The following SLC22A23 variants were observed in gnomAD, a reference collection of about 807,000 sequenced individuals.
SLC22A23 encodes solute carrier family 22 member 23.
In SLC22A23, 26 loss-of-function variants were observed where a neutral mutation model predicts 61.0. That is an observed-to-expected ratio of 0.43 (90% CI 0.31 to 0.59). The LOEUF is 0.59. Among genes scored for constraint, SLC22A23 ranks in the 20% least tolerant of loss-of-function variants. The probability of loss-of-function intolerance (pLI) is 0.11; values close to 1 mark genes in which losing one functional copy is unlikely to be tolerated. For synonymous variants in SLC22A23, 430 were observed against 413.9 expected (o/e 1.04, Z -0.47); for missense variants, 796 against 934.7 (o/e 0.85, Z 1.94).
chr6:3,393,305 T>C (rs1265153513), intron 3 of SLC22A23, among the ~76,000 whole-genome samples: 1 of 152,194 alleles, frequency 6.6e-6, no homozygotes, highest in Non-Finnish European at 1.5e-5. Context: ...GATGCTACTG[T>C]CTCTAATTCT....
chr6:3,363,047 T>G (rs1347272651), intron 3 of SLC22A23, among the ~76,000 whole-genome samples: 1 of 152,154 alleles, frequency 6.6e-6, no homozygotes, highest in Admixed American at 6.5e-5. Flanking sequence ...CGGTGGGACA[T>G]CCCGCAGCCC....
intron 1 of SLC22A23, among the ~76,000 whole-genome samples, chr6:3,419,833 G>C (rs1181045393): frequency 3.9e-5 from 6 of 152,138 alleles, no homozygotes; most frequent in African/African-American, 1.4e-4. Context: ...ATTGAACCTT[G>C]TTCTCTGGTC....
Position 3,342,450 on chromosome 6 carries a change from A to AAC in SLC22A23, c.914-18450_914-18449dup, listed in dbSNP as rs1764203925. ...AGGGTTCACGGCTCACCTCCTTTGA[A>AAC]ACACACACACCTCTTTCTCTCTCCC... On this transcript the variant is annotated intron_variant, in intron 3 of 9. Coordinates refer to ENST00000406686, the MANE Select transcript of SLC22A23 (RefSeq NM_015482.2). The surrounding 1 kb of genome is among the most constrained non-coding windows in gnomAD (Gnocchi z 4.0). Among the ~76,000 whole-genome samples the AAC allele has an allele frequency of 6.6e-6, 1 of 152,160 alleles. No individual in the cohort carries two copies. The highest frequency in any genetic ancestry group is 1.5e-5 in the Non-Finnish European group (1 of 68,038).
At chr6:3,455,654 G>C (rs990117111) in intron 1 of SLC22A23, among the ~76,000 whole-genome samples, 2 of 152,234 alleles carry the variant, frequency 1.3e-5, no homozygotes, top group Non-Finnish European at 2.9e-5. Context: ...CCCGAGGGTG[G>C]GGGAAGGGCG....
At position 3,287,076 on chromosome 6, in the gene SLC22A23, C is replaced by G; in HGVS notation, c.1329G>C (p.Gly443=). Residue 443 remains glycine, a synonymous_variant, in exon 7 of 10, where the codon GGG becomes GGC. Coordinates refer to ENST00000406686, the MANE Select transcript of SLC22A23 (RefSeq NM_015482.2). ...VLCVNSLTGY[G]IHHCFARSMM... ...TGCTCCTGGCAAAGCAGTGGTGGAT[C>G]CCGTACCCCGTCAGCCTGTGGAGAC... is the stretch of plus-strand genomic sequence containing the variant. 1 of 1,614,138 alleles carries G rather than the reference C, an allele frequency of 6.2e-7. No homozygotes were observed. Among genetic ancestry groups the G allele is most frequent in the South Asian group, 1.1e-5 (1 of 91,062 alleles).
intron 1 of SLC22A23, chr6:3,444,980 A>C (rs1771815726): frequency 2.0e-6 from 2 of 985,510 alleles, no homozygotes; most frequent in African/African-American, 1.7e-5. Flanking sequence ...GGGAGGAAGG[A>C]AGGCACCTGA....
At chr6:3,405,351 C>T (rs1345012405) in intron 3 of SLC22A23, among the ~76,000 whole-genome samples, 2 of 152,114 alleles carry the variant, frequency 1.3e-5, no homozygotes, top group African/African-American at 2.4e-5. Context: ...TGGAGTTGGT[C>T]CCACCAGGAG....
intron 3 of SLC22A23, among the ~76,000 whole-genome samples, chr6:3,409,949 C>T (rs183578143): frequency 2.6e-5 from 4 of 152,206 alleles, no homozygotes; most frequent in East Asian, 1.9e-4. Context: ...CAAGCAGTTA[C>T]GCAACCTCCC....
At chr6:3,275,736 C>A (rs774845939) in intron 9 of SLC22A23, among the ~76,000 whole-genome samples, 1 of 152,180 alleles carries the variant, frequency 6.6e-6, no homozygotes, top group Admixed American at 6.5e-5. Context: ...GCGCGTGCCA[C>A]CATGCCCAGC....
At chr6:3,381,334 C>T (rs1239028810) in intron 3 of SLC22A23, among the ~76,000 whole-genome samples, 1 of 136,072 alleles carries the variant, frequency 7.3e-6, no homozygotes, top group African/African-American at 2.6e-5. Flanking sequence ...GGGGCTCAGC[C>T]ATCTTCAACT....
chr6:3,349,719 G>A (rs1764650757), intron 3 of SLC22A23, among the ~76,000 whole-genome samples: 1 of 152,166 alleles, frequency 6.6e-6, no homozygotes, highest in South Asian at 2.1e-4. Context: ...CTCAGGAGGT[G>A]GAAGAGCAGA....
chr6:3,397,926 C>T (rs540249626), intron 3 of SLC22A23, among the ~76,000 whole-genome samples: 3 of 152,336 alleles, frequency 2.0e-5, no homozygotes, highest in South Asian at 2.1e-4. Flanking sequence ...GTCAGCCCAA[C>T]GGGGAGCAAA....
chr6:3,414,716 T>G lies in SLC22A23; in HGVS notation c.758+1036A>C, dbSNP rs1359972770. Among the ~76,000 whole-genome samples, 12 of 101,866 alleles carry G rather than the reference T, an allele frequency of 1.2e-4. No homozygotes were observed. The highest frequency in any genetic ancestry group is 2.4e-4 in the Non-Finnish European group (12 of 49,616). The allele number at this position is 101,866 out of a possible 152,430, so 66.8% of individuals were successfully genotyped here. A position where few individuals can be genotyped will look rare whatever the true frequency, so the allele number is the denominator to read the frequency against. ...TTTCCTCAAGGCCAAGATGTCTCGATTCACCAAAAAAAAAAAAAAAAAAAA... is the reference window on the plus strand; with the variant it reads ...TTTCCTCAAGGCCAAGATGTCTCGAGTCACCAAAAAAAAAAAAAAAAAAAA... On this transcript the variant is annotated intron_variant, in intron 2 of 9. Transcript: ENST00000406686. The surrounding 1 kb of genome is among the most constrained non-coding windows in gnomAD (Gnocchi z 5.1).
intron 3 of SLC22A23, among the ~76,000 whole-genome samples, chr6:3,364,128 G>A (rs1051912876): frequency 6.6e-6 from 1 of 152,212 alleles, no homozygotes; most frequent in African/African-American, 2.4e-5. Flanking sequence ...TGAGTCAAAG[G>A]TAATAGAAAG....
At chr6:3,334,459 C>T (rs552700901) in intron 3 of SLC22A23, among the ~76,000 whole-genome samples, 47 of 151,864 alleles carry the variant, frequency 3.1e-4, no homozygotes, top group Admixed American at 2.9e-3. Context: ...CTGCGCCCAG[C>T]GTAGATGTTG....
chr6:3,307,904 C>A (rs1037855354), intron 4 of SLC22A23, among the ~76,000 whole-genome samples: 2 of 152,202 alleles, frequency 1.3e-5, no homozygotes, highest in Admixed American at 6.5e-5. Flanking sequence ...TGGCCTTCAA[C>A]AGAAGGGATC....
At chr6:3,355,566 G>T (rs1765020898) in intron 3 of SLC22A23, among the ~76,000 whole-genome samples, 1 of 152,114 alleles carries the variant, frequency 6.6e-6, no homozygotes, top group African/African-American at 2.4e-5. Context: ...GAAGGCCAAG[G>T]TCATAACAAG....
chr6:3,282,456 C>T (rs570003473), intron 9 of SLC22A23: 44 of 603,640 alleles, frequency 7.3e-5, no homozygotes, highest in Non-Finnish European at 1.0e-4. Flanking sequence ...AAAGTGTGGA[C>T]GTGAAGATGC....
At position 3,434,269 on chromosome 6, in the gene SLC22A23, C is replaced by T. The variant is rs377086837; in HGVS notation, c.655-18414G>A. Among the ~76,000 whole-genome samples, 9 of 152,040 alleles carry T rather than the reference C, an allele frequency of 5.9e-5. No homozygotes were observed. In the East Asian group the frequency reaches 1.5e-3, roughly 26 times the overall value. On this transcript the variant is annotated intron_variant, in intron 1 of 9. Coordinates refer to ENST00000406686, the MANE Select transcript of SLC22A23 (RefSeq NM_015482.2). ...CGGAGATTGCAGTGAGCTGAGATCA[C>T]GCCACTGTACTCCACCCTGGGCGAC...
Sources: gnomAD v4.1 joint callset for allele counts (sites outside exome capture counted in the v4.1 genomes callset) on GRCh38, gnomAD v4.1.1 for gene constraint, Gnocchi (gnomAD v3.1) non-coding constraint, MANE v1.5 for transcripts, NCBI Gene and HGNC (gene_info 2026-07-23, HGNC 2026-07-21) for gene names.